Variants in DLGAP1 observed in about 807,000 individuals in gnomAD.
DLGAP1 encodes disks large-associated protein 1.
A neutral mutation model predicts 90.8 loss-of-function variants in DLGAP1; 11 were observed. That is an observed-to-expected ratio of 0.12 (90% CI 0.08 to 0.20). DLGAP1 has a LOEUF of 0.20. DLGAP1 is among the 10% of genes least tolerant of loss of function. DLGAP1 has a pLI of 1.00. For missense variants in DLGAP1, 1,050 were observed against 1,333.8 expected, an observed-to-expected ratio of 0.79 and a Z score of 3.31; for synonymous variants, 558 against 540.7, an observed-to-expected ratio of 1.03 and a Z score of -0.44.
chr18:4,192,325 G>A (rs2077417055), intron 1 of DLGAP1, among the ~76,000 whole-genome samples: 1 of 152,122 alleles, frequency 6.6e-6, no homozygotes, highest in Non-Finnish European at 1.5e-5. Flanking sequence ...AACAATGATG[G>A]CTTGTCAATG....
intron 1 of DLGAP1, among the ~76,000 whole-genome samples, chr18:4,328,380 C>T (rs542455040): frequency 1.3e-5 from 2 of 152,064 alleles, no homozygotes; most frequent in African/African-American, 4.8e-5. Context: ...AGTCAATAAT[C>T]TGTCCCTTTT....
intron 1 of DLGAP1, among the ~76,000 whole-genome samples, chr18:4,258,012 C>CGT: frequency 1.8e-5 from 1 of 55,014 alleles, no homozygotes; most frequent in Non-Finnish European, 4.4e-5. Flanking sequence ...TGTGTGTGTG[C>CGT]GCGCGCGCGC....
intron 1 of DLGAP1, among the ~76,000 whole-genome samples, chr18:4,257,921 G>C (rs940372178): frequency 1.3e-5 from 2 of 151,214 alleles, no homozygotes; most frequent in Non-Finnish European, 2.9e-5. Context: ...TACTCCGCCC[G>C]GCCCAGTTCA....
At chr18:3,977,434 G>T (rs368669925) in intron 3 of DLGAP1, among the ~76,000 whole-genome samples, 188 of 95,340 alleles carry the variant, frequency 2.0e-3, no homozygotes, top group African/African-American at 6.2e-3. Flanking sequence ...TTTATTCTGT[G>T]TTTTTTTTTT....
chr18:3,724,464 T>C (rs2062085803), intron 7 of DLGAP1, among the ~76,000 whole-genome samples: 1 of 152,154 alleles, frequency 6.6e-6, no homozygotes, highest in Admixed American at 6.6e-5. Context: ...AGAGAATCTG[T>C]TGGGTGTGGT....
intron 1 of DLGAP1, among the ~76,000 whole-genome samples, chr18:4,180,557 T>C (rs1349522118): frequency 6.6e-6 from 1 of 152,178 alleles, no homozygotes; most frequent in Non-Finnish European, 1.5e-5. Flanking sequence ...TTTAATAAAC[T>C]GGGATCTGAT....
chr18:3,814,015 A>G, intron 5 of DLGAP1, 44 bp downstream of exon 5: 1 of 1,590,454 alleles, frequency 6.3e-7, no homozygotes, highest in Non-Finnish European at 8.6e-7. Context: ...CGGTGATAAT[A>G]CAAGCACCTG....
At chr18:3,740,835 T>C (rs1388489010) in intron 6 of DLGAP1, among the ~76,000 whole-genome samples, 2 of 144,158 alleles carry the variant, frequency 1.4e-5, no homozygotes, top group East Asian at 2.2e-4. Context: ...GCTATTACCA[T>C]AATCATCACC....
chr18:4,219,811 G>A (rs1232063745), intron 1 of DLGAP1, among the ~76,000 whole-genome samples: 2 of 151,986 alleles, frequency 1.3e-5, no homozygotes, highest in Admixed American at 1.3e-4. Context: ...TTTATTTCTG[G>A]TGTTTCTATC....
At chr18:4,297,072 A>G (rs1237702140) in intron 1 of DLGAP1, among the ~76,000 whole-genome samples, 7 of 152,238 alleles carry the variant, frequency 4.6e-5, no homozygotes, top group African/African-American at 1.7e-4. Flanking sequence ...CATAATAACT[A>G]TAATTTTTGA....
chr18:4,043,688 C>G (rs1392696963), intron 2 of DLGAP1, among the ~76,000 whole-genome samples: 1 of 152,202 alleles, frequency 6.6e-6, no homozygotes, highest in Admixed American at 6.5e-5. Flanking sequence ...TTATGAATCA[C>G]AGTTCCGATT....
Position 3,775,519 on chromosome 18 carries a change from G to A in DLGAP1, c.1173-33007C>T, listed in dbSNP as rs1213732368. 2.6e-5 allele frequency among the ~76,000 whole-genome samples: 4 copies of A among 152,048 alleles called. No individual in the cohort carries two copies. Among genetic ancestry groups the A allele is most frequent in the Admixed American group, 6.5e-5 (1 of 15,274 alleles). On this transcript the variant is annotated intron_variant, in intron 5 of 12. Transcript: ENST00000315677. The surrounding 1 kb of genome is among the most constrained non-coding windows in gnomAD (Gnocchi z 4.9). ...CTTCCACCATGATTGTAAGTTTCCC[G>A]AGGCCTCACCAAGCACGCTTCCTGT...
At position 3,927,889 on chromosome 18, in the gene DLGAP1, T is replaced by C. The variant is rs894705664; in HGVS notation, c.-72-47749A>G. Among the ~76,000 whole-genome samples, 8 of 152,362 alleles carry C rather than the reference T, an allele frequency of 5.3e-5. No homozygotes were observed. The South Asian group carries it at 1.7e-3, about 32-fold the overall frequency. ...AAAAATGTCGAGTGATTTAGATTTC[T>C]GTTGGCTTGTACATCAATAGTTCCT... On this transcript the variant is annotated intron_variant, in intron 3 of 12. Coordinates refer to ENST00000315677, the MANE Select transcript of DLGAP1 (RefSeq NM_004746.4).
At chr18:3,774,652 T>TA (rs1185237042) in intron 5 of DLGAP1, 4 of 152,192 alleles carry the variant, frequency 2.6e-5, no homozygotes, top group Admixed American at 6.5e-5. Flanking sequence ...CCTAACTTCT[T>TA]AAAAATACGG....
intron 10 of DLGAP1, among the ~76,000 whole-genome samples, chr18:3,520,739 G>A (rs1459006660): frequency 6.6e-6 from 1 of 152,184 alleles, no homozygotes; most frequent in African/African-American, 2.4e-5. Context: ...CCTGTTCCAT[G>A]GGTACTTTAT....
chr18:3,814,336 CTTTT>C (rs576337335), intron 4 of DLGAP1, 63 bp from the exon 5 acceptor site: 3 of 1,147,432 alleles, frequency 2.6e-6, no homozygotes, highest in African/African-American at 3.2e-5. Flanking sequence ...TTTTCTTTTT[CTTTT>C]TTTTTAGATT....
intron 8 of DLGAP1, among the ~76,000 whole-genome samples, chr18:3,569,252 G>A (rs184334025): frequency 3.3e-5 from 5 of 151,720 alleles, no homozygotes; most frequent in Admixed American, 1.3e-4. Flanking sequence ...TGAGTGCCTC[G>A]GCCTCCCAAA....
intron 2 of DLGAP1, among the ~76,000 whole-genome samples, chr18:4,135,243 T>C (rs1200369182): frequency 6.6e-6 from 1 of 151,918 alleles, no homozygotes; most frequent in East Asian, 1.9e-4. Context: ...AGAGGTGCCA[T>C]AGACTGAGAC....
chr18:4,173,811 T>C (rs1220882657), intron 1 of DLGAP1, among the ~76,000 whole-genome samples: 1 of 152,190 alleles, frequency 6.6e-6, no homozygotes, highest in Non-Finnish European at 1.5e-5. Context: ...TGCTGAGAGC[T>C]TGTCCCCTGA....
Sources: allele counts gnomAD v4.1 joint callset (sites outside exome capture counted in the v4.1 genomes callset), GRCh38; gene constraint gnomAD v4.1.1; non-coding constraint Gnocchi (gnomAD v3.1); transcripts MANE v1.5; gene names NCBI Gene and HGNC (gene_info 2026-07-23, HGNC 2026-07-21).